The following KSR2 variants were observed in gnomAD, a reference collection of about 807,000 sequenced individuals.
KSR2 encodes the protein kinase suppressor of ras 2.
A neutral mutation model predicts 107.8 loss-of-function variants in KSR2; 25 were observed. That is an observed-to-expected ratio of 0.23 (90% CI 0.17 to 0.32). KSR2 has a LOEUF of 0.32. Among genes scored for constraint, KSR2 ranks in the 10% least tolerant of loss-of-function variants. KSR2 has a pLI of 1.00. For synonymous variants in KSR2, 480 were observed against 507.0 expected, an observed-to-expected ratio of 0.95 and a Z score of 0.71; for missense variants, 887 against 1,268.9, an observed-to-expected ratio of 0.70 and a Z score of 4.57.
chr12:117,485,197 C>T (rs1369748247), intron 15 of KSR2, among the ~76,000 whole-genome samples: 1 of 152,114 alleles, frequency 6.6e-6, no homozygotes, highest in African/African-American at 2.4e-5. Flanking sequence ...TGTTTTAATC[C>T]AAAACAACAC....
At chr12:117,794,057 C>T (rs1393246054) in intron 3 of KSR2, among the ~76,000 whole-genome samples, 1 of 125,152 alleles carries the variant, frequency 8.0e-6, no homozygotes, top group Non-Finnish European at 1.6e-5. Flanking sequence ...CACACTCGTA[C>T]CAACATGCAC....
At chr12:117,912,004 C>T (rs778718666) in intron 1 of KSR2, among the ~76,000 whole-genome samples, 2 of 152,174 alleles carry the variant, frequency 1.3e-5, no homozygotes, top group African/African-American at 4.8e-5. Context: ...TTAAACATGT[C>T]GATCTCCTAA....
chr12:117,700,253 A>G (rs1403760625), intron 4 of KSR2, among the ~76,000 whole-genome samples: 2 of 152,098 alleles, frequency 1.3e-5, no homozygotes, highest in East Asian at 3.9e-4. Flanking sequence ...TACAGAGGGG[A>G]CACAGAATGT....
At chr12:117,602,606 T>C (rs1881018640) in intron 5 of KSR2, among the ~76,000 whole-genome samples, 1 of 152,260 alleles carries the variant, frequency 6.6e-6, no homozygotes, top group South Asian at 2.1e-4. Flanking sequence ...TATTTCATTG[T>C]GTGATACACA....
chr12:117,624,741 T>C (rs527430174), intron 5 of KSR2, among the ~76,000 whole-genome samples: 1 of 152,350 alleles, frequency 6.6e-6, no homozygotes, highest in Non-Finnish European at 1.5e-5. Flanking sequence ...TTTTTTCCAA[T>C]TCTGTGAAGA....
At chr12:117,967,690 A>G (rs1257847885) in intron 1 of KSR2, among the ~76,000 whole-genome samples, 3 of 152,060 alleles carry the variant, frequency 2.0e-5, no homozygotes, top group African/African-American at 7.2e-5. Flanking sequence ...TCCTTAATGT[A>G]TTACCCGGCA....
intron 5 of KSR2, among the ~76,000 whole-genome samples, chr12:117,601,295 T>TGTG (rs1345798349): frequency 8.2e-5 from 11 of 134,354 alleles, no homozygotes; most frequent in East Asian, 4.1e-4. Flanking sequence ...TCCAAGATCT[T>TGTG]GGGGGGGGGG....
chr12:117,779,320 G>A (rs543871136), intron 3 of KSR2, among the ~76,000 whole-genome samples: 1 of 152,338 alleles, frequency 6.6e-6, no homozygotes, highest in East Asian at 1.9e-4. Flanking sequence ...GCCACAGCAT[G>A]TAGAACTCAG....
intron 1 of KSR2, among the ~76,000 whole-genome samples, chr12:117,918,296 C>T (rs530854406): frequency 1.3e-5 from 2 of 152,142 alleles, no homozygotes; most frequent in Non-Finnish European, 2.9e-5. Flanking sequence ...CTCTAATCTG[C>T]CACTCTCCTG....
At chr12:117,765,635 C>T (rs528631020) in intron 3 of KSR2, among the ~76,000 whole-genome samples, 3 of 152,302 alleles carry the variant, frequency 2.0e-5, no homozygotes, top group Admixed American at 2.0e-4. Context: ...GCAGAGCTCA[C>T]ATTCTTAGTA....
chr12:117,815,734 T>C (rs1209900625), intron 3 of KSR2, among the ~76,000 whole-genome samples: 3 of 151,670 alleles, frequency 2.0e-5, no homozygotes, highest in African/African-American at 4.8e-5. Context: ...CCCAGCACTT[T>C]GGGAGGCAGA....
At chr12:117,834,965 C>T (rs150321783) in intron 3 of KSR2, among the ~76,000 whole-genome samples, 238 of 152,298 alleles carry the variant, frequency 1.6e-3, no homozygotes, top group Middle Eastern at 0.014. Context: ...AACCAGAGAG[C>T]CGTCTTCGAG....
At chr12:117,581,972 C>A (rs557126379) in intron 6 of KSR2, among the ~76,000 whole-genome samples, 1 of 152,226 alleles carries the variant, frequency 6.6e-6, no homozygotes, top group African/African-American at 2.4e-5. Flanking sequence ...AAAAATTGAG[C>A]CTCAGAAAGG....
chr12:117,493,651 C>T lies in KSR2; in HGVS notation c.2220-7960G>A, dbSNP rs142283014. On this transcript the variant is annotated intron_variant, in intron 14 of 19. Transcript: ENST00000339824. ...AGGTGTTGCCTGGAGCCTATGATGA[C>T]GAACTGTCTCCCCCTCCAGACTGTA... Among the ~76,000 whole-genome samples the T allele has an allele frequency of 4.0e-3, 611 of 152,260 alleles. 3 individuals are homozygous for T. The highest frequency in any genetic ancestry group is 0.014 in the African/African-American group (578 of 41,534).
chr12:117,500,885 C>T (rs984202395), intron 14 of KSR2, among the ~76,000 whole-genome samples: 4 of 152,226 alleles, frequency 2.6e-5, no homozygotes, highest in African/African-American at 9.6e-5. Context: ...GAGAAGGCCT[C>T]GAGCGCTGGG....
chr12:117,773,747 C>A (rs1721027862), intron 3 of KSR2, among the ~76,000 whole-genome samples: 1 of 152,138 alleles, frequency 6.6e-6, no homozygotes, highest in African/African-American at 2.4e-5. Flanking sequence ...TGGTTTAAAT[C>A]CTCATAACTT....
intron 4 of KSR2, among the ~76,000 whole-genome samples, chr12:117,760,482 A>G (rs1378685848): frequency 6.6e-6 from 1 of 152,236 alleles, no homozygotes; most frequent in Non-Finnish European, 1.5e-5. Flanking sequence ...ATTGGGTTGA[A>G]TGATGTATTA....
rs141241988 is a variant in KSR2, at chr12:117,483,491, T to C, written c.2450+925A>G. ...GAAAGATGCACCATTCGTTATAAAATGCAGGATTATAAAAAACATGCAGAG... is the reference window on the plus strand; with the variant it reads ...GAAAGATGCACCATTCGTTATAAAACGCAGGATTATAAAAAACATGCAGAG... On this transcript the variant is annotated intron_variant, in intron 16 of 19. Transcript: ENST00000339824. 4.0e-3 allele frequency among the ~76,000 whole-genome samples: 599 copies of C among 151,342 alleles called. 17 individuals are homozygous for C. Among genetic ancestry groups the C allele is most frequent in the Admixed American group, 0.028 (428 of 15,232 alleles).
intron 5 of KSR2, among the ~76,000 whole-genome samples, chr12:117,647,449 A>G (rs1883701766): frequency 6.6e-6 from 1 of 152,158 alleles, no homozygotes; most frequent in Non-Finnish European, 1.5e-5. Flanking sequence ...GCCAGGAGCC[A>G]GCACGGGCCC....
Sources: gnomAD v4.1 joint callset for allele counts (sites outside exome capture counted in the v4.1 genomes callset) on GRCh38, gnomAD v4.1.1 for gene constraint, MANE v1.5 for transcripts, NCBI Gene and HGNC (gene_info 2026-07-23, HGNC 2026-07-21) for gene names.